ROBO2: variants seen among roughly 807,000 people sequenced by gnomAD.
The protein encoded by ROBO2 is roundabout guidance receptor 2.
ROBO2 carries 53 observed loss-of-function variants against 160.8 expected under a neutral mutation model. That is an observed-to-expected ratio of 0.33 (90% CI 0.26 to 0.41). The LOEUF (loss-of-function observed/expected upper bound fraction) is 0.41. Among genes scored for constraint, ROBO2 ranks in the 10% least tolerant of loss-of-function variants. ROBO2 has a pLI of 1.00. For missense variants in ROBO2, 1,577 were observed against 1,722.4 expected, an observed-to-expected ratio of 0.92 and a Z score of 1.49; for synonymous variants, 664 against 611.7, an observed-to-expected ratio of 1.09 and a Z score of -1.26.
intron 2 of ROBO2, among the ~76,000 whole-genome samples, chr3:76,882,478 T>C (rs776330425): frequency 7.9e-5 from 12 of 152,080 alleles, no homozygotes; most frequent in Non-Finnish European, 1.5e-4. Flanking sequence ...CGCCCTATAT[T>C]ACAAATACTT....
intron 2 of ROBO2, among the ~76,000 whole-genome samples, chr3:76,296,149 G>A (rs1157620338): frequency 1.3e-5 from 2 of 152,026 alleles, no homozygotes; most frequent in South Asian, 2.1e-4. Context: ...TGGAGAATAC[G>A]ATGTGATGAC....
chr3:77,056,516 T>A (rs1378028109), intron 1 of ROBO2, among the ~76,000 whole-genome samples: 1 of 152,182 alleles, frequency 6.6e-6, no homozygotes, highest in East Asian at 1.9e-4. Context: ...ATTGTTATGT[T>A]GGCAACCTCT....
At chr3:76,786,642 T>C (rs2062997932) in intron 2 of ROBO2, among the ~76,000 whole-genome samples, 4 of 151,442 alleles carry the variant, frequency 2.6e-5, no homozygotes, top group African/African-American at 7.2e-5. Context: ...CAATAAAACA[T>C]GAGATTTTGG....
intron 2 of ROBO2, among the ~76,000 whole-genome samples, chr3:77,207,365 T>C (rs1172683605): frequency 6.6e-6 from 1 of 152,180 alleles, no homozygotes; most frequent in Non-Finnish European, 1.5e-5. Context: ...ACATTTTTCA[T>C]AGTAAGCGTC....
At chr3:76,068,386 A>G (rs1220778352) in intron 2 of ROBO2, among the ~76,000 whole-genome samples, 1 of 152,170 alleles carries the variant, frequency 6.6e-6, no homozygotes, top group Non-Finnish European at 1.5e-5. Flanking sequence ...TTATCCAGCC[A>G]TACCTTATGA....
At chr3:76,166,010 A>AG (rs2072823572) in intron 2 of ROBO2, among the ~76,000 whole-genome samples, 1 of 152,168 alleles carries the variant, frequency 6.6e-6, no homozygotes, top group Non-Finnish European at 1.5e-5. Flanking sequence ...CACTGATTGC[A>AG]GATCACCACA....
At chr3:77,348,822 C>G (rs1457769434) in intron 2 of ROBO2, among the ~76,000 whole-genome samples, 3 of 152,134 alleles carry the variant, frequency 2.0e-5, no homozygotes, top group African/African-American at 7.2e-5. Flanking sequence ...TAGTCTCTCC[C>G]CAGGGCTAAG....
chr3:76,835,816 C>CT (rs2067641877), intron 2 of ROBO2, among the ~76,000 whole-genome samples: 1 of 151,832 alleles, frequency 6.6e-6, no homozygotes, highest in African/African-American at 2.4e-5. Flanking sequence ...GAATAAATTA[C>CT]GTTTCACCTG....
intron 2 of ROBO2, among the ~76,000 whole-genome samples, chr3:77,378,769 G>A (rs1248808705): frequency 6.6e-6 from 1 of 152,122 alleles, no homozygotes; most frequent in African/African-American, 2.4e-5. Flanking sequence ...ACTGTTTTAT[G>A]ATTCCATGCT....
chr3:76,309,307 A>G (rs1220089647), intron 2 of ROBO2, among the ~76,000 whole-genome samples: 1 of 152,248 alleles, frequency 6.6e-6, no homozygotes, highest in South Asian at 2.1e-4. Flanking sequence ...ATGCAAAGAC[A>G]TGGAATTTTA....
At chr3:77,553,771 A>G (rs1222946998) in intron 8 of ROBO2, among the ~76,000 whole-genome samples, 1 of 151,954 alleles carries the variant, frequency 6.6e-6, no homozygotes, top group Non-Finnish European at 1.5e-5. Context: ...AGAGGTGAGG[A>G]AGCTGTAGAA....
chr3:76,793,049 A>C (rs1369664364), intron 2 of ROBO2, among the ~76,000 whole-genome samples: 4 of 151,834 alleles, frequency 2.6e-5, no homozygotes, highest in Admixed American at 2.6e-4. Context: ...AAATAGAAAC[A>C]AAAATGCGAT....
chr3:76,006,927 C>A (rs1376175667), intron 2 of ROBO2, among the ~76,000 whole-genome samples: 4 of 151,948 alleles, frequency 2.6e-5, no homozygotes, highest in Admixed American at 1.3e-4. Context: ...CATACAATTT[C>A]TTTTTTAAAA....
intron 2 of ROBO2, among the ~76,000 whole-genome samples, chr3:76,340,431 C>T (rs1300575512): frequency 1.3e-5 from 2 of 152,094 alleles, no homozygotes; most frequent in African/African-American, 4.8e-5. Context: ...GCCAGTCTAT[C>T]ACTCTAACTG....
At chr3:77,078,286 A>G (rs2068228021) in intron 1 of ROBO2, among the ~76,000 whole-genome samples, 1 of 152,302 alleles carries the variant, frequency 6.6e-6, no homozygotes, top group Admixed American at 6.5e-5. Context: ...AAACACTCCT[A>G]GCTTATATGT....
intron 2 of ROBO2, among the ~76,000 whole-genome samples, chr3:77,191,253 C>T (rs2081817912): frequency 6.6e-6 from 1 of 152,042 alleles, no homozygotes; most frequent in African/African-American, 2.4e-5. Flanking sequence ...TAACCCTAAT[C>T]GGTATTGTAA....
At chr3:77,629,497 A>C (rs1169319380) in intron 23 of ROBO2, 4 of 152,174 alleles carry the variant, frequency 2.6e-5, no homozygotes, top group Non-Finnish European at 5.9e-5. Context: ...TCACTGGGCC[A>C]AGTGCATTAA....
intron 2 of ROBO2, among the ~76,000 whole-genome samples, chr3:77,457,568 A>G (rs1582110050): frequency 6.6e-6 from 1 of 152,164 alleles, no homozygotes; most frequent in East Asian, 1.9e-4. Flanking sequence ...ATTATATTAG[A>G]GTGATTCTCT....
chr3:77,192,266 C>A (rs2150950299), intron 2 of ROBO2, among the ~76,000 whole-genome samples: 1 of 152,092 alleles, frequency 6.6e-6, no homozygotes, highest in East Asian at 1.9e-4. Flanking sequence ...ATATGCTGAA[C>A]ATGATTCTTT....
Sources: gnomAD v4.1 joint callset for allele counts (sites outside exome capture counted in the v4.1 genomes callset) on GRCh38, gnomAD v4.1.1 for gene constraint, MANE v1.5 for transcripts, NCBI Gene and HGNC (gene_info 2026-07-23, HGNC 2026-07-21) for gene names.